ADAMTSL1: variants seen among roughly 807,000 people sequenced by gnomAD.
ADAMTSL1 encodes the protein ADAMTS-like protein 1.
In ADAMTSL1, 126 loss-of-function variants were observed where a neutral mutation model predicts 201.8. That is an observed-to-expected ratio of 0.62 (90% CI 0.54 to 0.72). ADAMTSL1 has a LOEUF of 0.72. ADAMTSL1 is among the 30% of genes least tolerant of loss of function. The pLI, the probability that ADAMTSL1 is intolerant of heterozygous loss-of-function variation, is 0.00. For synonymous variants in ADAMTSL1, 1,121 were observed against 903.4 expected (o/e 1.24, Z -4.32); for missense variants, 2,679 against 2,277.8 (o/e 1.18, Z -3.59).
rs771519241 is a variant in ADAMTSL1, at chr9:18,775,749, A to G, written c.2404A>G (p.Thr802Ala). 2.9e-5 allele frequency: 47 copies of G among 1,612,804 alleles called. No homozygotes were observed. The East Asian group carries it at 4.0e-4, about 14-fold the overall frequency. ...GCCTTTCTTTCTCCACCAGTGTTCC[A>G]CAAGCTGCGGGGAAGGCACCCAGAC... ...WLLSDWTECS[T>A]SCGEGTQTRS... Residue 802 changes from threonine to alanine, a missense_variant, in exon 18 of 29, where the codon ACA (threonine) becomes GCA (alanine). Coordinates refer to ENST00000380548, the MANE Select transcript of ADAMTSL1 (RefSeq NM_001040272.6).
intron 2 of ADAMTSL1, among the ~76,000 whole-genome samples, chr9:18,409,466 C>T (rs1207540892): frequency 2.0e-5 from 3 of 149,808 alleles, no homozygotes; most frequent in Non-Finnish European, 4.4e-5. Flanking sequence ...TAAGATCCCA[C>T]AACCTAATCA....
intron 2 of ADAMTSL1, among the ~76,000 whole-genome samples, chr9:18,296,220 A>G (rs1833471855): frequency 6.6e-6 from 1 of 152,214 alleles, no homozygotes; most frequent in Non-Finnish European, 1.5e-5. Context: ...AAGCAAACAA[A>G]CAAAACAGTT....
intron 2 of ADAMTSL1, among the ~76,000 whole-genome samples, chr9:18,420,273 T>A (rs1298846917): frequency 6.6e-6 from 1 of 152,164 alleles, no homozygotes; most frequent in Non-Finnish European, 1.5e-5. Flanking sequence ...GGAGAGTCTG[T>A]TACAGTTATC....
chr9:18,252,254 T>C (rs1162165090), intron 2 of ADAMTSL1, among the ~76,000 whole-genome samples: 1 of 152,080 alleles, frequency 6.6e-6, no homozygotes, highest in Non-Finnish European at 1.5e-5. Flanking sequence ...AATAGGCAAA[T>C]AATTCGAAAG....
chr9:18,585,393 A>G (rs751273039), intron 4 of ADAMTSL1, among the ~76,000 whole-genome samples: 1 of 152,290 alleles, frequency 6.6e-6, no homozygotes, highest in Middle Eastern at 3.4e-3. Context: ...AATAGAAAAC[A>G]TTTTCAAATT....
chr9:18,184,858 T>C (rs780927350), intron 2 of ADAMTSL1, among the ~76,000 whole-genome samples: 1 of 152,182 alleles, frequency 6.6e-6, no homozygotes, highest in Non-Finnish European at 1.5e-5. Context: ...CAGAAAGTAA[T>C]TAAAATGGCA....
At chr9:18,514,798 A>G (rs1411573153) in intron 2 of ADAMTSL1, among the ~76,000 whole-genome samples, 1 of 152,106 alleles carries the variant, frequency 6.6e-6, no homozygotes, top group African/African-American at 2.4e-5. Flanking sequence ...TTCTTGTCTT[A>G]CTGACCTAAG....
chr9:18,901,438 T>C (rs1830012229), intron 26 of ADAMTSL1, among the ~76,000 whole-genome samples: 1 of 152,238 alleles, frequency 6.6e-6, no homozygotes, highest in Non-Finnish European at 1.5e-5. Flanking sequence ...TTTTATTTTC[T>C]ATAGGATTTC....
intron 2 of ADAMTSL1, among the ~76,000 whole-genome samples, chr9:18,271,729 C>T (rs1338967235): frequency 1.3e-5 from 2 of 152,190 alleles, no homozygotes; most frequent in East Asian, 3.9e-4. Context: ...TTTCTAGTTC[C>T]AGTTCCCTGA....
intron 2 of ADAMTSL1, among the ~76,000 whole-genome samples, chr9:18,454,742 T>C (rs1364859047): frequency 6.6e-6 from 1 of 152,240 alleles, no homozygotes; most frequent in East Asian, 1.9e-4. Context: ...GAGCCGAGGC[T>C]AATGTGAATT....
intron 14 of ADAMTSL1, among the ~76,000 whole-genome samples, chr9:18,709,155 C>A (rs1832405395): frequency 6.6e-6 from 1 of 152,092 alleles, no homozygotes; most frequent in Admixed American, 6.6e-5. Flanking sequence ...TATATTTAAG[C>A]CTAAAAAGTT....
chr9:18,315,659 C>T (rs960937404), intron 2 of ADAMTSL1, among the ~76,000 whole-genome samples: 24 of 152,298 alleles, frequency 1.6e-4, no homozygotes, highest in African/African-American at 3.6e-4. Flanking sequence ...ACCTGGAACT[C>T]GCGCTGGCCC....
At chr9:18,575,190 C>G (rs935738057) in intron 4 of ADAMTSL1, among the ~76,000 whole-genome samples, 1 of 152,034 alleles carries the variant, frequency 6.6e-6, no homozygotes, top group Non-Finnish European at 1.5e-5. Context: ...TTAAAACTTA[C>G]ATCTATATTT....
chr9:18,304,718 T>A (rs1587510757), intron 2 of ADAMTSL1, among the ~76,000 whole-genome samples: 1 of 152,092 alleles, frequency 6.6e-6, no homozygotes, highest in African/African-American at 2.4e-5. Context: ...ATAGTAAGAT[T>A]CTGAAAAAAA....
intron 2 of ADAMTSL1, among the ~76,000 whole-genome samples, chr9:18,381,120 T>C (rs1335062203): frequency 6.6e-6 from 1 of 152,224 alleles, no homozygotes; most frequent in Non-Finnish European, 1.5e-5. Context: ...GGAAATGCTT[T>C]GGGGTGAAAT....
chr9:18,328,777 A>G (rs1834923432), intron 2 of ADAMTSL1, among the ~76,000 whole-genome samples: 1 of 152,186 alleles, frequency 6.6e-6, no homozygotes, highest in Non-Finnish European at 1.5e-5. Context: ...CTGAGTATTA[A>G]TAGAAGCACA....
chr9:18,254,691 A>T (rs1831615644), intron 2 of ADAMTSL1, among the ~76,000 whole-genome samples: 1 of 117,340 alleles, frequency 8.5e-6, no homozygotes, highest in African/African-American at 3.3e-5. Context: ...TCTTAAATAC[A>T]CTTTGCAGTA....
intron 2 of ADAMTSL1, among the ~76,000 whole-genome samples, chr9:18,433,179 A>C (rs1216207123): frequency 6.6e-6 from 1 of 152,142 alleles, no homozygotes; most frequent in East Asian, 1.9e-4. Context: ...TACAACTAAA[A>C]ACAAAAACAT....
intron 2 of ADAMTSL1, among the ~76,000 whole-genome samples, chr9:18,352,298 T>G (rs1268477178): frequency 6.6e-6 from 1 of 152,144 alleles, no homozygotes; most frequent in Non-Finnish European, 1.5e-5. Context: ...TTACTATATA[T>G]GGGGGAAATG....
Sources: allele counts gnomAD v4.1 joint callset (sites outside exome capture counted in the v4.1 genomes callset), GRCh38; gene constraint gnomAD v4.1.1; transcripts MANE v1.5; gene names NCBI Gene and HGNC (gene_info 2026-07-23, HGNC 2026-07-21).